The following GAB1 variants were observed in gnomAD, a reference collection of about 807,000 sequenced individuals.
GAB1 encodes GRB2 associated binding protein 1, also known as GRB2-associated-binding protein 1.
A neutral mutation model predicts 66.5 loss-of-function variants in GAB1; 19 were observed. That is an observed-to-expected ratio of 0.29 (90% CI 0.20 to 0.42). The LOEUF is 0.42. GAB1 is among the 10% of genes least tolerant of loss of function. GAB1 has a pLI of 1.00. For synonymous variants in GAB1, 294 were observed against 301.4 expected (o/e 0.98, Z 0.25); for missense variants, 732 against 858.5 (o/e 0.85, Z 1.84).
At chr4:143,466,003 C>A in intron 8 of GAB1, 100 bp from the exon 9 acceptor site, 3 of 1,318,012 alleles carry the variant, frequency 2.3e-6, no homozygotes, top group Non-Finnish European at 3.1e-6. Context: ...AAGCTATGTC[C>A]TCTTGAAAGC....
chr4:143,409,141 CAG>C (rs1040428545), intron 1 of GAB1, among the ~76,000 whole-genome samples: 9 of 152,106 alleles, frequency 5.9e-5, no homozygotes, highest in Non-Finnish European at 8.8e-5. Flanking sequence ...TGCCTTATCT[CAG>C]GGGAAGTTGA....
chr4:143,434,148 A>G, intron 3 of GAB1: 1 of 1,288,454 alleles, frequency 7.8e-7, no homozygotes, highest in Non-Finnish European at 1.0e-6. Flanking sequence ...AAGATTTTGA[A>G]AGCAAAACGA....
rs1362053531 is a variant in GAB1 at position 143,337,054 on chromosome 4, T to C, written c.-135T>C. ...TGGAACCCGCGCACCGTGGAGTCTG[T>C]CCGCCCAGTCCGTCCGGGGTGCGCG... On this transcript the variant is annotated 5_prime_UTR_variant, in exon 1 of 10. Coordinates refer to ENST00000262994, the MANE Select transcript of GAB1 (RefSeq NM_002039.4). 1 of 712,532 alleles carries C rather than the reference T, an allele frequency of 1.4e-6. No homozygotes were observed. The highest frequency in any genetic ancestry group is 2.3e-6 in the Non-Finnish European group (1 of 427,128). The allele number at this position is 712,532 out of a possible 1,614,324, so 44.1% of individuals were successfully genotyped here.
At chr4:143,397,603 G>A (rs544560889) in intron 1 of GAB1, among the ~76,000 whole-genome samples, 79 of 152,142 alleles carry the variant, frequency 5.2e-4, no homozygotes, top group Non-Finnish European at 9.6e-4. Flanking sequence ...TAGTGGTGAT[G>A]TCATTACCTA....
chr4:143,440,520 G>C, intron 6 of GAB1, 138 bp downstream of exon 6: 1 of 800,658 alleles, frequency 1.2e-6, no homozygotes. Context: ...AGTTATTTAA[G>C]CAAAGCAGTA....
chr4:143,364,539 G>A (rs1381760279), intron 1 of GAB1, among the ~76,000 whole-genome samples: 1 of 152,188 alleles, frequency 6.6e-6, no homozygotes, highest in African/African-American at 2.4e-5. Context: ...AACTGGATAT[G>A]TGTTGGAGCA....
chr4:143,370,759 T>G (rs1488771328), intron 1 of GAB1, among the ~76,000 whole-genome samples: 3 of 152,174 alleles, frequency 2.0e-5, no homozygotes, highest in African/African-American at 7.2e-5. Flanking sequence ...CCACATGTTC[T>G]CATTGTTCAG....
intron 2 of GAB1, chr4:143,425,566 T>C (rs1169918228): frequency 1.3e-6 from 1 of 762,776 alleles, no homozygotes; most frequent in Non-Finnish European, 2.4e-6. Context: ...GTGGGTTTGA[T>C]GTGGATGCTG....
chr4:143,436,945 TCC>T (rs992329575), intron 3 of GAB1, among the ~76,000 whole-genome samples: 2 of 152,062 alleles, frequency 1.3e-5, no homozygotes, highest in African/African-American at 4.8e-5. Context: ...TGTTGGCCAT[TCC>T]CAGGGAGAGA....
At chr4:143,426,836 A>G (rs1733385029) in intron 2 of GAB1, among the ~76,000 whole-genome samples, 1 of 152,240 alleles carries the variant, frequency 6.6e-6, no homozygotes. Context: ...AGTTAAATAC[A>G]TAAAGGCATT....
At chr4:143,460,141 C>G (rs1292135769) in intron 7 of GAB1, among the ~76,000 whole-genome samples, 1 of 151,824 alleles carries the variant, frequency 6.6e-6, no homozygotes, top group Admixed American at 6.6e-5. Flanking sequence ...TTGTTTTACA[C>G]AAAATATTTT....
chr4:143,371,683 G>A (rs952133204), intron 1 of GAB1, among the ~76,000 whole-genome samples: 5 of 152,160 alleles, frequency 3.3e-5, no homozygotes, highest in African/African-American at 1.2e-4. Flanking sequence ...ATGGTTTTAG[G>A]TCTAACATTT....
At chr4:143,361,000 T>C (rs1220368227) in intron 1 of GAB1, among the ~76,000 whole-genome samples, 1 of 152,192 alleles carries the variant, frequency 6.6e-6, no homozygotes, top group Non-Finnish European at 1.5e-5. Context: ...ACAAGACATA[T>C]TTTTGCTATC....
At chr4:143,344,884 G>A (rs886776601) in intron 1 of GAB1, among the ~76,000 whole-genome samples, 1 of 152,190 alleles carries the variant, frequency 6.6e-6, no homozygotes. Flanking sequence ...TATAACCTAA[G>A]AGCTTTTGAC....
At chr4:143,467,479 TTC>T (rs1171925358) in intron 9 of GAB1, among the ~76,000 whole-genome samples, 1 of 152,186 alleles carries the variant, frequency 6.6e-6, no homozygotes, top group Non-Finnish European at 1.5e-5. Flanking sequence ...TAAAATGAAA[TTC>T]TGTTTGGGTC....
chr4:143,398,831 A>G (rs1459019128), intron 1 of GAB1, among the ~76,000 whole-genome samples: 1 of 152,174 alleles, frequency 6.6e-6, no homozygotes, highest in Non-Finnish European at 1.5e-5. Context: ...AAGCTGAGGC[A>G]GGAGGATCGT....
intron 1 of GAB1, among the ~76,000 whole-genome samples, chr4:143,355,459 T>C (rs1729407548): frequency 6.6e-6 from 1 of 151,868 alleles, no homozygotes; most frequent in East Asian, 1.9e-4. Flanking sequence ...ACACATAACA[T>C]AAACTTGACC....
chr4:143,412,672 A>G (rs1312757330), intron 1 of GAB1, among the ~76,000 whole-genome samples: 1 of 152,158 alleles, frequency 6.6e-6, no homozygotes, highest in Non-Finnish European at 1.5e-5. Context: ...AGTTGGTTGC[A>G]TTGAGGGTGG....
At chr4:143,457,615 TACAGAATCCATTTTCCAATTAA>T in intron 6 of GAB1, 8 of 497,684 alleles carry the variant, frequency 1.6e-5, no homozygotes, top group Non-Finnish European at 2.6e-5. Flanking sequence ...TTTTTTTTTT[TACAGAATCCATTTTCCAATTAA>T]TAAATAACAT....
Sources: gnomAD v4.1 joint callset for allele counts (sites outside exome capture counted in the v4.1 genomes callset) on GRCh38, gnomAD v4.1.1 for gene constraint, MANE v1.5 for transcripts, NCBI Gene and HGNC (gene_info 2026-07-23, HGNC 2026-07-21) for gene names.